WASHC2C: variants seen among roughly 807,000 people sequenced by gnomAD.
The protein encoded by WASHC2C is Vaccinia Penetration Factor.
Under a neutral mutation model 142.2 loss-of-function variants are expected in WASHC2C, and 73 were observed. That is an observed-to-expected ratio of 0.51 (90% CI 0.43 to 0.62). The LOEUF (loss-of-function observed/expected upper bound fraction) is 0.62. Among genes scored for constraint, WASHC2C ranks in the 20% least tolerant of loss-of-function variants. The pLI, the probability that WASHC2C is intolerant of heterozygous loss-of-function variation, is 0.00. For synonymous variants in WASHC2C, 337 were observed against 565.5 expected, an observed-to-expected ratio of 0.60 and a Z score of 5.73; for missense variants, 969 against 1,531.7, an observed-to-expected ratio of 0.63 and a Z score of 6.13.
intron 18 of WASHC2C, among the ~76,000 whole-genome samples, chr10:45,764,654 T>G (rs1356534488): frequency 2.6e-5 from 4 of 152,110 alleles, no homozygotes; most frequent in Non-Finnish European, 5.9e-5. Flanking sequence ...GGCTTTGCCA[T>G]CAGACCCCTG....
Position 45,749,836 on chromosome 10 carries a change from A to AAAAAAAAAAAT in WASHC2C, c.733-259_733-258insAAAAAAAAATA, listed in dbSNP as rs1227809519. On this transcript the variant is annotated intron_variant, in intron 8 of 30. Coordinates refer to ENST00000623400, the MANE Select transcript of WASHC2C (RefSeq NM_001330074.2). ...GCAAGACTCCATCTCAAAAAAAAAA[A>AAAAAAAAAAAT]ATATATATATATATATATATTTATA... 1.4e-3 allele frequency among the ~76,000 whole-genome samples: 147 copies of AAAAAAAAAAAT among 101,732 alleles called. 1 individual carries two copies. Among genetic ancestry groups the AAAAAAAAAAAT allele is most frequent in the Non-Finnish European group, 2.0e-3 (110 of 54,600 alleles). 66.7% of individuals were successfully genotyped at this position (101,732 alleles called of 152,430 possible). A position where few individuals can be genotyped will look rare whatever the true frequency, so the allele number is the denominator to read the frequency against.
At chr10:45,736,437 A>AAAAAAAT in intron 3 of WASHC2C, among the ~76,000 whole-genome samples, 1 of 138,784 alleles carries the variant, frequency 7.2e-6, no homozygotes, top group Non-Finnish European at 1.5e-5. Flanking sequence ...AAAAAAAAAA[A>AAAAAAAT]GGGCAAAAAC....
At chr10:45,728,563 C>G (rs2133983472) in intron 2 of WASHC2C, among the ~76,000 whole-genome samples, 1 of 151,492 alleles carries the variant, frequency 6.6e-6, no homozygotes, top group Non-Finnish European at 1.5e-5. Context: ...ATGGTGAAAC[C>G]CCGTCTCTAC....
At chr10:45,764,921 A>AT (rs2055609373) in intron 18 of WASHC2C, among the ~76,000 whole-genome samples, 1 of 151,994 alleles carries the variant, frequency 6.6e-6, no homozygotes, top group East Asian at 1.9e-4. Flanking sequence ...AGGAGACTTC[A>AT]TCCAGGAAGA....
intron 3 of WASHC2C, among the ~76,000 whole-genome samples, chr10:45,730,940 A>G (rs1426722431): frequency 6.6e-6 from 1 of 151,186 alleles, no homozygotes; most frequent in African/African-American, 2.4e-5. Context: ...CTTTGTACCC[A>G]GTGTGCCTGT....
upstream of WASHC2C, chr10:45,727,188 C>T: frequency 6.8e-7 from 1 of 1,462,688 alleles, no homozygotes; most frequent in Non-Finnish European, 9.0e-7. Flanking sequence ...CGTGCGGGTT[C>T]TGTCACGTGA....
At chr10:45,751,940 G>A (rs563339979) in intron 11 of WASHC2C, among the ~76,000 whole-genome samples, 3 of 152,314 alleles carry the variant, frequency 2.0e-5, no homozygotes, top group Admixed American at 2.0e-4. Context: ...TCGCGCCACT[G>A]CATTCCAGCC....
In WASHC2C at chr10:45,784,281, TATATATATACAC is replaced by T. The variant is rs1342821528; in HGVS notation, c.2479-274_2479-263del. On this transcript the variant is annotated intron_variant, in intron 23 of 30. Transcript: ENST00000623400. ...ATATATATATATATATATATATATATATATATATACACATATATATATATATATATACACACA... is the reference window on the plus strand; with the variant it reads ...ATATATATATATATATATATATATATATATATATATATATATATACACACA... 3.0e-3 allele frequency among the ~76,000 whole-genome samples: 27 copies of T among 9,032 alleles called. 1 individual carries two copies. The highest frequency in any genetic ancestry group is 0.014 in the South Asian group (1 of 72). 5.9% of individuals were successfully genotyped at this position (9,032 alleles called of 152,430 possible).
chr10:45,757,932 C>G (rs1281800943), intron 16 of WASHC2C, among the ~76,000 whole-genome samples: 2 of 152,248 alleles, frequency 1.3e-5, no homozygotes, highest in African/African-American at 4.8e-5. Flanking sequence ...TTGGGGACCC[C>G]TGCTTTATAG....
At chr10:45,754,284 A>C (rs1299872469) in intron 13 of WASHC2C, among the ~76,000 whole-genome samples, 2 of 152,178 alleles carry the variant, frequency 1.3e-5, no homozygotes, top group African/African-American at 2.4e-5. Context: ...GTCACAGCTC[A>C]GATTGTGTTA....
chr10:45,741,599 G>A (rs1267007361), intron 5 of WASHC2C, among the ~76,000 whole-genome samples: 33 of 152,104 alleles, frequency 2.2e-4, no homozygotes, highest in Admixed American at 1.2e-3. Context: ...TTGCTGTGAC[G>A]TCGTTGAACC....
chr10:45,765,875 C>G, intron 19 of WASHC2C, 65 bp downstream of exon 19: 1 of 1,596,826 alleles, frequency 6.3e-7, no homozygotes, highest in Non-Finnish European at 8.5e-7. Context: ...TAAAGCCATC[C>G]CAAGTCTTTT....
chr10:45,729,129 T>C, intron 3 of WASHC2C, 103 bp downstream of exon 3: 1 of 1,223,828 alleles, frequency 8.2e-7, no homozygotes, highest in East Asian at 2.6e-5. Context: ...GGTGGAAGTG[T>C]GGTTCTTGGT....
At chr10:45,731,017 A>G (rs1401101022) in intron 3 of WASHC2C, among the ~76,000 whole-genome samples, 10 of 149,346 alleles carry the variant, frequency 6.7e-5, no homozygotes, top group Non-Finnish European at 1.3e-4. Context: ...ACATCATACA[A>G]TTTTTCTCAA....
chr10:45,762,737 C>A (rs1287399626), intron 17 of WASHC2C, among the ~76,000 whole-genome samples: 1 of 152,086 alleles, frequency 6.6e-6, no homozygotes, highest in South Asian at 2.1e-4. Context: ...AACCCCGTCT[C>A]TACTAAAAAT....
At chr10:45,773,666 G>C (rs1261574598) in intron 21 of WASHC2C, among the ~76,000 whole-genome samples, 1 of 152,226 alleles carries the variant, frequency 6.6e-6, no homozygotes, top group African/African-American at 2.4e-5. Context: ...TTCCTTTTAT[G>C]AGTGTGTGTC....
At chr10:45,751,681 T>G in intron 11 of WASHC2C, 128 bp downstream of exon 11, 1 of 1,496,954 alleles carries the variant, frequency 6.7e-7, no homozygotes, top group Non-Finnish European at 9.0e-7. Context: ...TCCATTTACT[T>G]TTCTAAAGCC....
intron 2 of WASHC2C, among the ~76,000 whole-genome samples, 182 bp from the exon 3 acceptor site, chr10:45,728,680 G>A (rs980237148): frequency 6.6e-6 from 1 of 151,512 alleles, no homozygotes; most frequent in Non-Finnish European, 1.5e-5. Context: ...GCAGTGAGCC[G>A]AGATGGCGCC....
chr10:45,792,167 G>A lies in WASHC2C; in HGVS notation c.3887-94G>A, dbSNP rs1256236055. The A allele has an allele frequency of 1.8e-4, 241 of 1,317,910 alleles. 30 individuals are homozygous for A. Among genetic ancestry groups the A allele is most frequent in the Non-Finnish European group, 4.3e-5 (40 of 938,304 alleles). 81.6% of individuals were successfully genotyped at this position (1,317,910 alleles called of 1,614,324 possible). ...GTTTTAGGGTACTCCATGCTGTTAC[G>A]AGAGCTGGGTCTTTGGTGGTTTGCT... On this transcript the variant is annotated intron_variant, in intron 30 of 30. Coordinates refer to ENST00000623400, the MANE Select transcript of WASHC2C (RefSeq NM_001330074.2).
Sources: allele counts gnomAD v4.1 joint callset (sites outside exome capture counted in the v4.1 genomes callset), GRCh38; gene constraint gnomAD v4.1.1; transcripts MANE v1.5; gene names NCBI Gene and HGNC (gene_info 2026-07-23, HGNC 2026-07-21).